Variants in PKN2 observed in about 807,000 individuals in gnomAD.
PKN2 encodes protein kinase N2.
Under a neutral mutation model 119.1 loss-of-function variants are expected in PKN2, and 38 were observed. That is an observed-to-expected ratio of 0.32 (90% CI 0.25 to 0.42). The LOEUF (loss-of-function observed/expected upper bound fraction) is 0.42, where lower values mean the gene tolerates loss of function less well. PKN2 is among the 10% of genes least tolerant of loss of function. The pLI, the probability that PKN2 is intolerant of heterozygous loss-of-function variation, is 1.00. For missense variants in PKN2, 850 were observed against 1,165.1 expected (o/e 0.73, Z 3.94); for synonymous variants, 390 against 384.9 (o/e 1.01, Z -0.15).
intron 1 of PKN2, among the ~76,000 whole-genome samples, chr1:88,735,665 C>T (rs1668319572): frequency 7.5e-6 from 1 of 133,622 alleles, no homozygotes; most frequent in South Asian, 2.4e-4. Flanking sequence ...TCATCTCACT[C>T]ATCCTGACTT....
chr1:88,814,028 A>G (rs1461405060), intron 16 of PKN2, among the ~76,000 whole-genome samples: 1 of 152,180 alleles, frequency 6.6e-6, no homozygotes, highest in East Asian at 1.9e-4. Flanking sequence ...AGAGAATGCC[A>G]TCCAGAATTA....
In PKN2 at chr1:88,771,539, A is replaced by G; in HGVS notation, c.741A>G (p.Lys247=). The G allele has an allele frequency of 6.3e-7, 1 of 1,599,170 alleles. No individual in the cohort carries two copies. Among genetic ancestry groups the G allele is most frequent in the Non-Finnish European group, 8.5e-7 (1 of 1,175,138 alleles). The change falls in exon 5 of 22, where the codon AAA becomes AAG. Residue 247 remains lysine (K), a synonymous_variant. Coordinates refer to ENST00000370521, the MANE Select transcript of PKN2 (RefSeq NM_006256.4). Reference sequence around the variant, plus strand: ...TAATGAAATTACTTGGCTCAGGAAAAGTAACAGACAGAAAAGCACTTTCAG... The same window carrying G: ...TAATGAAATTACTTGGCTCAGGAAAGGTAACAGACAGAAAAGCACTTTCAG... ...KNVMKLLGSG[K]VTDRKALSEA...
At chr1:88,819,430 T>G (rs1283422742) in intron 16 of PKN2, among the ~76,000 whole-genome samples, 1 of 152,212 alleles carries the variant, frequency 6.6e-6, no homozygotes, top group Non-Finnish European at 1.5e-5. Context: ...TCATCACTGG[T>G]CATTAGAGAA....
intron 1 of PKN2, among the ~76,000 whole-genome samples, chr1:88,707,296 T>C (rs1667041407): frequency 6.6e-6 from 1 of 152,148 alleles, no homozygotes; most frequent in Admixed American, 6.5e-5. Flanking sequence ...GAGGAAAATG[T>C]GGCAGATGAA....
At chr1:88,701,090 A>G (rs972160024) in intron 1 of PKN2, among the ~76,000 whole-genome samples, 1 of 152,188 alleles carries the variant, frequency 6.6e-6, no homozygotes, top group Non-Finnish European at 1.5e-5. Context: ...AATAATAGTA[A>G]TGTTTATTAT....
At chr1:88,764,945 G>A (rs1159936849) in intron 3 of PKN2, among the ~76,000 whole-genome samples, 1 of 151,936 alleles carries the variant, frequency 6.6e-6, no homozygotes, top group Non-Finnish European at 1.5e-5. Context: ...TTGTTTTTGA[G>A]ACAGAGTCTC....
intron 16 of PKN2, among the ~76,000 whole-genome samples, chr1:88,820,896 G>A (rs982174229): frequency 6.6e-6 from 1 of 152,138 alleles, no homozygotes; most frequent in African/African-American, 2.4e-5. Context: ...TGTTCAATAA[G>A]CCTATCATGT....
chr1:88,794,179 C>T (rs10922489), intron 8 of PKN2, among the ~76,000 whole-genome samples: 73,871 of 151,824 alleles, frequency 0.49, 19,099 homozygotes, highest in South Asian at 0.68. Context: ...ACCAGCCTGA[C>T]GAACATGGAG....
rs1397660462 is a variant in PKN2 at position 88,835,894 on chromosome 1, ATTAACT to A, written c.*2451_*2456del. On this transcript the variant is annotated 3_prime_UTR_variant, in exon 22 of 22. Transcript: ENST00000370521. ...TCTGTGTTCAAAATCTCAAAGACTA[ATTAACT>A]TTAATAAACATTCTTGCAAGTACTT... 6.6e-6 allele frequency: 1 copy of A among 152,178 alleles called. No homozygotes were observed. The highest frequency in any genetic ancestry group is 1.9e-4 in the East Asian group (1 of 5,204). 9.4% of individuals were successfully genotyped at this position (152,178 alleles called of 1,614,324 possible).
chr1:88,713,316 G>A (rs1667317585), intron 1 of PKN2, among the ~76,000 whole-genome samples: 1 of 152,140 alleles, frequency 6.6e-6, no homozygotes, highest in Non-Finnish European at 1.5e-5. Context: ...GGGTCAAATG[G>A]TATTTCTAGT....
At chr1:88,829,495 CCTA>C in intron 19 of PKN2, 1 of 185,618 alleles carries the variant, frequency 5.4e-6, no homozygotes, top group Non-Finnish European at 1.2e-5. Flanking sequence ...CGCATTTTTT[CCTA>C]CTGTTTTCTG....
intron 6 of PKN2, among the ~76,000 whole-genome samples, chr1:88,776,220 C>T (rs1670097813): frequency 7.5e-6 from 1 of 133,614 alleles, no homozygotes; most frequent in Non-Finnish European, 1.6e-5. Context: ...CCTACCCCCT[C>T]CCCCTTGCCC....
intron 6 of PKN2, among the ~76,000 whole-genome samples, chr1:88,781,501 C>T (rs1670344290): frequency 6.6e-6 from 1 of 152,008 alleles, no homozygotes; most frequent in South Asian, 2.1e-4. Flanking sequence ...ATAGTTATTA[C>T]TTCTGAATAC....
At chr1:88,779,316 C>T (rs1280886592) in intron 6 of PKN2, among the ~76,000 whole-genome samples, 1 of 150,676 alleles carries the variant, frequency 6.6e-6, no homozygotes, top group East Asian at 1.9e-4. Context: ...TTCCAGAGTT[C>T]TGATAAACTC....
At position 88,759,218 on chromosome 1, in the gene PKN2, C is replaced by G. The variant is rs992438286; in HGVS notation, c.350-1004C>G. On this transcript the variant is annotated intron_variant, in intron 2 of 21. Transcript: ENST00000370521. ...CCTGTACTAAAAATACAAAAATTAGCCAGGCATGGTGGCGTATGCCTGTAA... is the reference window on the plus strand; with the variant it reads ...CCTGTACTAAAAATACAAAAATTAGGCAGGCATGGTGGCGTATGCCTGTAA... Among the ~76,000 whole-genome samples, 14 of 152,168 alleles carry G rather than the reference C, an allele frequency of 9.2e-5. 1 individual carries two copies. Among genetic ancestry groups the G allele is most frequent in the Admixed American group, 7.9e-4 (12 of 15,274 alleles).
chr1:88,768,802 A>T (rs1669767327), intron 3 of PKN2, among the ~76,000 whole-genome samples: 1 of 152,208 alleles, frequency 6.6e-6, no homozygotes, highest in Non-Finnish European at 1.5e-5. Context: ...TGAGTAATTT[A>T]TAAAGAAAAA....
At chr1:88,832,025 T>G (rs1000253662) in intron 19 of PKN2, among the ~76,000 whole-genome samples, 2 of 152,006 alleles carry the variant, frequency 1.3e-5, no homozygotes, top group African/African-American at 4.8e-5. Flanking sequence ...AAAAATGATT[T>G]TAATACTGAG....
intron 1 of PKN2, among the ~76,000 whole-genome samples, chr1:88,689,313 A>G (rs981919609): frequency 2.0e-5 from 3 of 152,218 alleles, no homozygotes; most frequent in Admixed American, 1.3e-4. Flanking sequence ...ATGGCTGTAG[A>G]GTCCATTTTT....
intron 19 of PKN2, 140 bp downstream of exon 19, chr1:88,828,763 A>G (rs1672608988): frequency 3.0e-6 from 2 of 677,912 alleles, no homozygotes; most frequent in Admixed American, 6.0e-5. Flanking sequence ...ACTAGTAGTC[A>G]GCTATCTTTC....
Sources: allele counts gnomAD v4.1 joint callset (sites outside exome capture counted in the v4.1 genomes callset), GRCh38; gene constraint gnomAD v4.1.1; transcripts MANE v1.5; gene names NCBI Gene and HGNC (gene_info 2026-07-23, HGNC 2026-07-21).